Variants in ZNF423 observed in about 807,000 individuals in gnomAD.
The protein encoded by ZNF423 is Ebf-associated zinc finger protein.
ZNF423 carries 12 observed loss-of-function variants against 95.8 expected under a neutral mutation model. The ratio of observed to expected loss-of-function variants is 0.13; its 90% CI spans 0.08 to 0.20. The LOEUF (loss-of-function observed/expected upper bound fraction) is 0.20. Ranked by LOEUF, ZNF423 falls within the 10% of genes least tolerant of loss-of-function variation. The pLI is 1.00. For missense variants in ZNF423, 1,316 were observed against 1,737.1 expected (o/e 0.76, Z 4.31); for synonymous variants, 749 against 711.9 (o/e 1.05, Z -0.83).
intron 3 of ZNF423, among the ~76,000 whole-genome samples, chr16:49,699,984 C>T (rs1418301585): frequency 1.3e-5 from 2 of 152,112 alleles, no homozygotes; most frequent in Non-Finnish European, 2.9e-5. Context: ...GGGGAGTCTG[C>T]AGCCCTCAGA....
At position 49,855,715 on chromosome 16, in the gene ZNF423, G is replaced by C. The variant is rs996738223; in HGVS notation, c.40+20C>G. On this transcript the variant is annotated intron_variant, in intron 1 of 7. Coordinates refer to ENST00000563137, the MANE Select transcript of ZNF423 (RefSeq NM_001379286.1). The surrounding 1 kb of genome is among the most constrained non-coding windows in gnomAD (Gnocchi z 4.7). ...TCCTCGCTCGCTCGCTCGCGCCTCC[G>C]CCGGGCCTCGCTCGCTCACCTTTCA... 3.3e-5 allele frequency: 5 copies of C among 153,230 alleles called. No individual in the cohort carries two copies. The highest frequency in any genetic ancestry group is 1.2e-4 in the African/African-American group (5 of 40,864). The allele number at this position is 153,230 out of a possible 1,614,324, so 9.5% of individuals were successfully genotyped here. A position where few individuals can be genotyped will look rare whatever the true frequency, so the allele number is the denominator to read the frequency against.
chr16:49,630,282 G>A (rs1244098809), intron 4 of ZNF423, among the ~76,000 whole-genome samples: 2 of 152,172 alleles, frequency 1.3e-5, no homozygotes, highest in East Asian at 1.9e-4. Context: ...CAACTCCAGG[G>A]CCATGGTCGT....
intron 5 of ZNF423, among the ~76,000 whole-genome samples, chr16:49,596,769 G>T (rs1309576040): frequency 6.6e-6 from 1 of 152,160 alleles, no homozygotes; most frequent in Non-Finnish European, 1.5e-5. Context: ...CATCAGCCCG[G>T]GAAGGTGGCC....
At chr16:49,514,233 C>A (rs890970917) in intron 7 of ZNF423, among the ~76,000 whole-genome samples, 1 of 142,500 alleles carries the variant, frequency 7.0e-6, no homozygotes, top group Admixed American at 6.8e-5. Flanking sequence ...CATGCGTACA[C>A]ACACACGCAC....
Position 49,855,072 on chromosome 16 carries a change from C to G in ZNF423, c.40+663G>C, listed in dbSNP as rs1194333357. 3 of 982,036 alleles carry G rather than the reference C, an allele frequency of 3.1e-6. No homozygotes were observed. In the East Asian group the frequency reaches 3.5e-4, roughly 113 times the overall value. 60.8% of individuals were successfully genotyped at this position (982,036 alleles called of 1,614,324 possible). A position where few individuals can be genotyped will look rare whatever the true frequency, so the allele number is the denominator to read the frequency against. On this transcript the variant is annotated intron_variant, in intron 1 of 7. Coordinates refer to ENST00000563137, the MANE Select transcript of ZNF423 (RefSeq NM_001379286.1). This position sits in a 1 kb window ranked among gnomAD's most constrained non-coding sequence, Gnocchi z 4.7. The stretch of plus-strand genomic sequence containing the variant: ...TGAACTCCTGGCGGAGGCTCCCTGC[C>G]CGGTGGGCCTCGGTGGAGGAGGCAG...
chr16:49,500,900 T>G, intron 7 of ZNF423, among the ~76,000 whole-genome samples: 1 of 143,610 alleles, frequency 7.0e-6, no homozygotes, highest in East Asian at 2.0e-4. Context: ...AGACCTCATT[T>G]AAAAAAAAAA....
rs117824944 is a variant in ZNF423 at position 49,784,630 on chromosome 16, T to C, written c.100+4857A>G. Among the ~76,000 whole-genome samples, 78 of 152,272 alleles carry C rather than the reference T, an allele frequency of 5.1e-4. No homozygotes were observed. The East Asian group carries it at 0.014, about 28-fold the overall frequency. Reference sequence around the variant, plus strand: ...ATTATATGACTCCACTGACAGGATGTCCAGAATAGGCAAGTCTACAGAGAC... The same window carrying C: ...ATTATATGACTCCACTGACAGGATGCCCAGAATAGGCAAGTCTACAGAGAC... On this transcript the variant is annotated intron_variant, in intron 2 of 7. Transcript: ENST00000563137.
chr16:49,549,680 G>A (rs1460016143), intron 5 of ZNF423, among the ~76,000 whole-genome samples: 2 of 152,120 alleles, frequency 1.3e-5, no homozygotes, highest in South Asian at 2.1e-4. Flanking sequence ...TCACACATCC[G>A]GTCCTTGTAA....
intron 5 of ZNF423, among the ~76,000 whole-genome samples, chr16:49,576,348 G>A (rs1567478613): frequency 6.6e-6 from 1 of 152,176 alleles, no homozygotes; most frequent in Admixed American, 6.5e-5. Context: ...TCGTGGTGGG[G>A]GCAGGGGCAG....
intron 5 of ZNF423, among the ~76,000 whole-genome samples, chr16:49,567,175 A>C (rs1361188476): frequency 6.6e-6 from 1 of 152,222 alleles, no homozygotes; most frequent in African/African-American, 2.4e-5. Flanking sequence ...AGTTGCAAGC[A>C]GGGCTGAGGC....
chr16:49,724,318 A>C (rs1209391276), intron 3 of ZNF423, among the ~76,000 whole-genome samples: 1 of 152,222 alleles, frequency 6.6e-6, no homozygotes, highest in African/African-American at 2.4e-5. Context: ...AGCTGTCTGC[A>C]TGCAGGAAAA....
intron 1 of ZNF423, among the ~76,000 whole-genome samples, chr16:49,810,063 C>A (rs2143952819): frequency 6.6e-6 from 1 of 152,314 alleles, no homozygotes; most frequent in Admixed American, 6.5e-5. Context: ...TGGGGATATG[C>A]ACACTGAAGG....
intron 7 of ZNF423, among the ~76,000 whole-genome samples, chr16:49,520,152 A>T (rs886574294): frequency 2.0e-5 from 3 of 152,126 alleles, no homozygotes; most frequent in African/African-American, 4.8e-5. Flanking sequence ...GTATTTCTTC[A>T]TCTTTTCACC....
intron 5 of ZNF423, among the ~76,000 whole-genome samples, chr16:49,556,284 T>C (rs1010546583): frequency 1.3e-5 from 2 of 152,210 alleles, no homozygotes; most frequent in African/African-American, 4.8e-5. Flanking sequence ...ACATTCCCTG[T>C]GGCTCTCATC....
At chr16:49,593,305 C>T (rs142832643) in intron 5 of ZNF423, among the ~76,000 whole-genome samples, 4,122 of 152,076 alleles carry the variant, frequency 0.027, 60 homozygotes, top group Non-Finnish European at 0.04. Context: ...GGTGGTGGCA[C>T]GTGCCTGTGG....
At chr16:49,622,667 C>A (rs899485268) in intron 5 of ZNF423, among the ~76,000 whole-genome samples, 1 of 152,222 alleles carries the variant, frequency 6.6e-6, no homozygotes, top group African/African-American at 2.4e-5. Context: ...CCACCACAGG[C>A]CCTGGCAGGG....
intron 5 of ZNF423, among the ~76,000 whole-genome samples, chr16:49,592,860 C>T (rs1052973507): frequency 3.9e-5 from 6 of 152,198 alleles, no homozygotes; most frequent in African/African-American, 7.2e-5. Flanking sequence ...CTTCACTCTG[C>T]GATGCCCAGA....
chr16:49,670,176 G>A (rs755052615), intron 3 of ZNF423, among the ~76,000 whole-genome samples: 1 of 152,196 alleles, frequency 6.6e-6, no homozygotes, highest in Non-Finnish European at 1.5e-5. Flanking sequence ...TCTGTTTGGT[G>A]ACATTGGAAG....
rs975374896 is a variant in ZNF423, at chr16:49,855,117, C to A, written c.40+618G>T. The A allele has an allele frequency of 1.2e-5, 11 of 890,850 alleles. No homozygotes were observed. Among genetic ancestry groups the A allele is most frequent in the Non-Finnish European group, 1.5e-5 (11 of 745,224 alleles). 55.2% of individuals were successfully genotyped at this position (890,850 alleles called of 1,614,324 possible). On this transcript the variant is annotated intron_variant, in intron 1 of 7. Coordinates refer to ENST00000563137, the MANE Select transcript of ZNF423 (RefSeq NM_001379286.1). This position sits in a 1 kb window ranked among gnomAD's most constrained non-coding sequence, Gnocchi z 4.7. ...AGGCAGGAAGTGCAGGGGCCCGGGCCGGGAGAAGGCCTGGGCAGGGGCGGG... is the reference window on the plus strand; with the variant it reads ...AGGCAGGAAGTGCAGGGGCCCGGGCAGGGAGAAGGCCTGGGCAGGGGCGGG...
Sources: gnomAD v4.1 joint callset for allele counts (sites outside exome capture counted in the v4.1 genomes callset) on GRCh38, gnomAD v4.1.1 for gene constraint, Gnocchi (gnomAD v3.1) non-coding constraint, MANE v1.5 for transcripts, NCBI Gene and HGNC (gene_info 2026-07-23, HGNC 2026-07-21) for gene names.